The following KIF17 variants were observed in gnomAD, a reference collection of about 807,000 sequenced individuals.
KIF17 encodes kinesin-like protein KIF17.
Under a neutral mutation model 96.8 loss-of-function variants are expected in KIF17, and 80 were observed. The observed-to-expected ratio is 0.83, with a 90% CI of 0.69 to 1.00. The LOEUF (loss-of-function observed/expected upper bound fraction) is 1.00, where lower values mean the gene tolerates loss of function less well. KIF17 is among the 50% of genes least tolerant of loss of function. The pLI, the probability that KIF17 is intolerant of heterozygous loss-of-function variation, is 0.00. For synonymous variants in KIF17, 567 were observed against 587.5 expected (o/e 0.97, Z 0.51); for missense variants, 1,280 against 1,372.9 (o/e 0.93, Z 1.07).
intron 5 of KIF17, among the ~76,000 whole-genome samples, chr1:20,702,649 C>T (rs1445639726): frequency 6.6e-6 from 1 of 152,208 alleles, no homozygotes; most frequent in Non-Finnish European, 1.5e-5. Flanking sequence ...CCCAAATGCA[C>T]CTTAGAGTTT....
Position 20,709,915 on chromosome 1 carries a change from C to T in KIF17, c.481-87G>A. 2 of 1,261,784 alleles carry T rather than the reference C, an allele frequency of 1.6e-6. No individual in the cohort carries two copies. The highest frequency in any genetic ancestry group is 2.3e-6 in the Non-Finnish European group (2 of 886,646). 78.2% of individuals were successfully genotyped at this position (1,261,784 alleles called of 1,614,324 possible). The stretch of plus-strand genomic sequence containing the variant: ...GGTCAAGGAACCAGAGAGAAGGGCC[C>T]CATCCAGACCGCCCTCGCCCTCCTG... On this transcript the variant is annotated intron_variant, in intron 3 of 14. Transcript: ENST00000400463. The surrounding 1 kb of genome is among the most constrained non-coding windows in gnomAD (Gnocchi z 4.7).
intron 4 of KIF17, among the ~76,000 whole-genome samples, chr1:20,705,894 T>C (rs2320397): frequency 4.9e-5 from 3 of 60,916 alleles, no homozygotes. Flanking sequence ...AGGATGTCTC[T>C]TTTTTTTTTT....
rs938665781 is a variant in KIF17, at chr1:20,664,457, G to C, written c.*127C>G. ...ACAGGGAAGGGAATGTGTCTTCCCA[G>C]GGCTGAGGGAGCCCTCAGGCCCCGG... On this transcript the variant is annotated 3_prime_UTR_variant, in exon 15 of 15. Coordinates refer to ENST00000400463, the MANE Select transcript of KIF17 (RefSeq NM_001122819.3). The C allele has an allele frequency of 1.5e-4, 244 of 1,587,164 alleles. No homozygotes were observed. Among genetic ancestry groups the C allele is most frequent in the Admixed American group, 7.8e-4 (44 of 56,712 alleles).
intron 4 of KIF17, among the ~76,000 whole-genome samples, chr1:20,708,775 T>A (rs2054386883): frequency 6.6e-6 from 1 of 152,130 alleles, no homozygotes; most frequent in Non-Finnish European, 1.5e-5. Context: ...GAATGAAGGG[T>A]ATAAAGGGTT....
In KIF17 at chr1:20,699,874, G is replaced by A. The variant is rs1009242454; in HGVS notation, c.1124-1386C>T. 2.0e-5 allele frequency among the ~76,000 whole-genome samples: 3 copies of A among 152,182 alleles called. No homozygotes were observed. The highest frequency in any genetic ancestry group is 7.2e-5 in the African/African-American group (3 of 41,434). ...CTGTGGAGGGCCGGGTGAGGGCTTT[G>A]GCTGTGACTCTGGGTTGAACGAGGC... On this transcript the variant is annotated intron_variant, in intron 5 of 14. Transcript: ENST00000400463. The surrounding 1 kb of genome is among the most constrained non-coding windows in gnomAD (Gnocchi z 4.3).
intron 13 of KIF17, among the ~76,000 whole-genome samples, chr1:20,669,592 G>A (rs1409362338): frequency 7.5e-6 from 1 of 134,212 alleles, no homozygotes; most frequent in Non-Finnish European, 1.6e-5. Context: ...ATAAAATAGA[G>A]GCCGGGCGTG....
intron 14 of KIF17, 45 bp downstream of exon 14, chr1:20,666,169 C>T (rs1010178214): frequency 7.1e-7 from 1 of 1,416,638 alleles, no homozygotes; most frequent in Admixed American, 1.7e-5. Context: ...CTTCACGCCT[C>T]TCCCAGTTGT....
At chr1:20,716,777 C>T (rs1049458680) in intron 1 of KIF17, among the ~76,000 whole-genome samples, 1 of 152,212 alleles carries the variant, frequency 6.6e-6, no homozygotes, top group Non-Finnish European at 1.5e-5. Flanking sequence ...ATCGCTGTTT[C>T]TATTCATTCG....
At position 20,664,759 on chromosome 1, in the gene KIF17, T is replaced by A; in HGVS notation, c.2912A>T (p.His971Leu). 6.2e-7 allele frequency: 1 copy of A among 1,611,878 alleles called. No homozygotes were observed. ...LSTDARKSLT[H>L]HNSPPGLSCP... Reference sequence around the variant, plus strand: ...GCTGAGGCCTGGTGGCGAGTTGTGATGTGCTGTGGGGAAGAGGGCAGAGGT... The same window carrying A: ...GCTGAGGCCTGGTGGCGAGTTGTGAAGTGCTGTGGGGAAGAGGGCAGAGGT... The change falls in exon 15 of 15, where the codon CAT (histidine) becomes CTT (leucine). Residue 971 changes from histidine (H) to leucine (L), a missense_variant. By Grantham distance (99) the His-to-Leu change is moderately conservative. Coordinates refer to ENST00000400463, the MANE Select transcript of KIF17 (RefSeq NM_001122819.3).
At chr1:20,715,363 G>C in intron 2 of KIF17, 130 bp downstream of exon 2, 1 of 1,210,100 alleles carries the variant, frequency 8.3e-7, no homozygotes, top group Non-Finnish European at 1.2e-6. Flanking sequence ...TCAGAACCCA[G>C]AGCCTTCTCT....
At chr1:20,677,000 C>T (rs1297920248) in intron 11 of KIF17, among the ~76,000 whole-genome samples, 1 of 151,996 alleles carries the variant, frequency 6.6e-6, no homozygotes, top group African/African-American at 2.4e-5. Context: ...CACTTGAGCC[C>T]AGGAGTTTGG....
In KIF17 at chr1:20,686,087, T is replaced by TG; in HGVS notation, c.1977dup (p.Arg660GlnfsTer8). The TG allele has an allele frequency of 6.4e-7, 1 of 1,566,062 alleles. No homozygotes were observed. Among genetic ancestry groups the TG allele is most frequent in the African/African-American group, 1.4e-5 (1 of 73,888 alleles). On this transcript the variant is annotated frameshift_variant, in exon 9 of 15. Transcript: ENST00000400463. LOFTEE classifies it high-confidence loss of function. ...TCATCAGCCGCCTCGGCTTCGGGCC[T>TG]GGCATCACTGGGCTCCAGCAGGTCT...
intron 6 of KIF17, among the ~76,000 whole-genome samples, chr1:20,696,979 AG>A (rs2054153248): frequency 6.6e-6 from 1 of 152,210 alleles, no homozygotes; most frequent in African/African-American, 2.4e-5. Flanking sequence ...CAGAGCCTGC[AG>A]GGGCGGACGG....
Position 20,702,183 on chromosome 1 carries a change from A to G in KIF17, c.1123+2264T>C, listed in dbSNP as rs559857540. Among the ~76,000 whole-genome samples, 4 of 152,330 alleles carry G rather than the reference A, an allele frequency of 2.6e-5. No homozygotes were observed. In the South Asian group the frequency reaches 8.3e-4, roughly 32 times the overall value. On this transcript the variant is annotated intron_variant, in intron 5 of 14. Transcript: ENST00000400463. ...GCTATGATGTCCCCTTTACAGATGA[A>G]GAGACTGAGGTTCTCAGTGGCTGAG...
At chr1:20,703,592 G>A (rs1296977523) in intron 5 of KIF17, among the ~76,000 whole-genome samples, 1 of 151,770 alleles carries the variant, frequency 6.6e-6, no homozygotes, top group Non-Finnish European at 1.5e-5. Flanking sequence ...AAGTAATGGG[G>A]TGGGTGGGAA....
At chr1:20,712,483 C>A (rs980461273) in intron 3 of KIF17, among the ~76,000 whole-genome samples, 52 of 146,356 alleles carry the variant, frequency 3.6e-4, no homozygotes, top group African/African-American at 1.3e-3. Context: ...AGGCTCAAGG[C>A]CAGGAGTTCG....
Position 20,671,963 on chromosome 1 carries a change from G to T in KIF17, c.2697C>A (p.Val899=). The stretch of plus-strand genomic sequence containing the variant: ...CTACTGGGAGGCTGGTTTTTGTGAT[G>T]ACGGGATGTGGGATCTTCCAGAAGC... ...DNGFWKIPHP[V]ITKTSLPVVS... Residue 899 remains valine, a synonymous_variant, in exon 12 of 15, where the codon GTC becomes GTA. Transcript: ENST00000400463. The T allele has an allele frequency of 6.2e-7, 1 of 1,613,896 alleles. No homozygotes were observed. The highest frequency in any genetic ancestry group is 1.1e-5 in the South Asian group (1 of 91,066).
rs370246172 is a variant in KIF17, at chr1:20,664,664, G to A, written c.3007C>T (p.Arg1003Cys). The change falls in exon 15 of 15, where the codon CGC (arginine) becomes TGC (cysteine). Residue 1003 changes from arginine (R) to cysteine (C), a missense_variant. Physicochemically the swap from Arg to Cys is radical, Grantham distance 180. Coordinates refer to ENST00000400463, the MANE Select transcript of KIF17 (RefSeq NM_001122819.3). ...AAAGGGATGTCGAGGGACTCGAGGC[G>A]GAAGGGCCGGGGCTGGGGCATTTCA... ...APEMPQPRPFRLESLDIPFTK... is the reference protein window; with the variant it reads ...APEMPQPRPFCLESLDIPFTK... The A allele has an allele frequency of 1.2e-5, 19 of 1,612,574 alleles. No individual in the cohort carries two copies. Among genetic ancestry groups the A allele is most frequent in the African/African-American group, 6.7e-5 (5 of 74,840 alleles).
intron 13 of KIF17, among the ~76,000 whole-genome samples, chr1:20,669,959 T>A (rs1215242761): frequency 2.3e-5 from 2 of 85,210 alleles, no homozygotes; most frequent in South Asian, 7.1e-4. Context: ...CTATAAAATA[T>A]AGGAGATAGG....
Sources: gnomAD v4.1 joint callset for allele counts (sites outside exome capture counted in the v4.1 genomes callset) on GRCh38, gnomAD v4.1.1 for gene constraint, Gnocchi (gnomAD v3.1) non-coding constraint, MANE v1.5 for transcripts, NCBI Gene and HGNC (gene_info 2026-07-23, HGNC 2026-07-21) for gene names.